The following PEX14 variants were observed in gnomAD, a reference collection of about 807,000 sequenced individuals.
PEX14 encodes the protein peroxisomal biogenesis factor 14.
PEX14 carries 15 observed loss-of-function variants against 49.5 expected under a neutral mutation model. The observed-to-expected ratio is 0.30, with a 90% confidence interval of 0.20 to 0.47. The LOEUF (loss-of-function observed/expected upper bound fraction) is 0.47, where lower values mean the gene tolerates loss of function less well. Ranked by LOEUF, PEX14 falls within the 20% of genes least tolerant of loss-of-function variation. PEX14 has a pLI of 1.00. For synonymous variants in PEX14, 210 were observed against 212.7 expected, an observed-to-expected ratio of 0.99 and a Z score of 0.11; for missense variants, 398 against 494.8, an observed-to-expected ratio of 0.80 and a Z score of 1.86.
At chr1:10,510,234 G>C (rs1450875453) in intron 2 of PEX14, among the ~76,000 whole-genome samples, 1 of 152,208 alleles carries the variant, frequency 6.6e-6, no homozygotes, top group African/African-American at 2.4e-5. Flanking sequence ...GTCTTTCTTA[G>C]TTCATGCCTC....
At position 10,535,946 on chromosome 1, in the gene PEX14, C is replaced by G. The variant is rs1570227553; in HGVS notation, c.85-267C>G. ...ATGAAGAATCAGCTCGAATGGAGATCAGGAGGAACAGGAAGGATCGTCGCA... is the reference window on the plus strand; with the variant it reads ...ATGAAGAATCAGCTCGAATGGAGATGAGGAGGAACAGGAAGGATCGTCGCA... On this transcript the variant is annotated intron_variant, in intron 2 of 8. Coordinates refer to ENST00000356607, the MANE Select transcript of PEX14 (RefSeq NM_004565.3). 6.7e-6 allele frequency: 3 copies of G among 446,464 alleles called. No homozygotes were observed. The East Asian group carries it at 1.4e-4, about 20-fold the overall frequency. The allele number at this position is 446,464 out of a possible 1,614,324, so 27.7% of individuals were successfully genotyped here.
chr1:10,625,572 C>T (rs1641720706), intron 7 of PEX14, among the ~76,000 whole-genome samples: 1 of 152,220 alleles, frequency 6.6e-6, no homozygotes, highest in East Asian at 1.9e-4. Flanking sequence ...AGAGGTGCCA[C>T]CTGCTCTTCC....
chr1:10,503,525 T>G (rs1186584560), intron 2 of PEX14, among the ~76,000 whole-genome samples: 1 of 151,938 alleles, frequency 6.6e-6, no homozygotes, highest in East Asian at 1.9e-4. Context: ...TTTCCTCTGT[T>G]AAAATGTTTT....
intron 4 of PEX14, among the ~76,000 whole-genome samples, chr1:10,607,913 C>T (rs564000994): frequency 6.6e-6 from 1 of 152,150 alleles, no homozygotes; most frequent in Admixed American, 6.5e-5. Context: ...TTTTATGATT[C>T]ATGGTTTTGC....
chr1:10,510,330 G>T (rs185665186), intron 2 of PEX14, among the ~76,000 whole-genome samples: 18 of 152,298 alleles, frequency 1.2e-4, no homozygotes, highest in African/African-American at 3.4e-4. Context: ...TGGTTAGATG[G>T]CAGGCTGCAG....
In PEX14 at chr1:10,603,946, TGA is replaced by T. The variant is rs537711333; in HGVS notation, c.298+4588_298+4589del. Among the ~76,000 whole-genome samples the T allele has an allele frequency of 6.4e-4, 98 of 152,350 alleles. 1 individual carries two copies. The highest frequency in any genetic ancestry group is 2.2e-3 in the African/African-American group (92 of 41,582). On this transcript the variant is annotated intron_variant, in intron 4 of 8. Coordinates refer to ENST00000356607, the MANE Select transcript of PEX14 (RefSeq NM_004565.3). ...TTTTGAACCATTTGATTAGAAATCC[TGA>T]GAGAGAGTGAGTTATTCCTCTGTTT... is the stretch of plus-strand genomic sequence containing the variant.
chr1:10,487,782 C>T (rs1040983024), intron 1 of PEX14, among the ~76,000 whole-genome samples: 7 of 151,430 alleles, frequency 4.6e-5, no homozygotes, highest in African/African-American at 1.7e-4. Flanking sequence ...TGTGCCCGGC[C>T]TACTTTTTTT....
intron 3 of PEX14, among the ~76,000 whole-genome samples, chr1:10,573,799 G>A (rs1640048058): frequency 6.6e-6 from 1 of 152,106 alleles, no homozygotes; most frequent in Non-Finnish European, 1.5e-5. Context: ...GTATATAACA[G>A]CTTTATTTAA....
At chr1:10,585,129 C>T (rs1193613959) in intron 3 of PEX14, among the ~76,000 whole-genome samples, 2 of 152,164 alleles carry the variant, frequency 1.3e-5, no homozygotes, top group Non-Finnish European at 2.9e-5. Flanking sequence ...GAGGATCTCC[C>T]ATTAGGCAAA....
chr1:10,564,112 A>G (rs180949059), intron 3 of PEX14, among the ~76,000 whole-genome samples: 2 of 152,114 alleles, frequency 1.3e-5, no homozygotes, highest in African/African-American at 2.4e-5. Flanking sequence ...TAGTTATCCT[A>G]TGTAACATAG....
intron 3 of PEX14, among the ~76,000 whole-genome samples, chr1:10,549,957 A>G (rs1441831846): frequency 1.3e-5 from 2 of 152,190 alleles, no homozygotes; most frequent in African/African-American, 2.4e-5. Flanking sequence ...CCATCCATCC[A>G]TCCATCTTTC....
intron 8 of PEX14, among the ~76,000 whole-genome samples, chr1:10,627,840 C>T (rs1178083885): frequency 1.3e-5 from 2 of 152,268 alleles, no homozygotes; most frequent in Non-Finnish European, 2.9e-5. Flanking sequence ...CCTGTTGTCC[C>T]TCTGTAGCGA....
intron 3 of PEX14, among the ~76,000 whole-genome samples, chr1:10,543,940 C>T (rs1487529686): frequency 1.3e-5 from 2 of 152,180 alleles, no homozygotes; most frequent in African/African-American, 4.8e-5. Context: ...AGTTTACTCT[C>T]GGCTCTGTAT....
rs369349860 is a variant in PEX14, at chr1:10,539,530, A to G, written c.169+3233A>G. Among the ~76,000 whole-genome samples the G allele has an allele frequency of 1.0e-3, 152 of 152,288 alleles. 1 individual carries two copies. The highest frequency in any genetic ancestry group is 3.3e-3 in the African/African-American group (139 of 41,564). ...ACTTGATTCTGCAGATGACACATCA[A>G]CTGCGGAGTCAGCCACACATCAAGA... On this transcript the variant is annotated intron_variant, in intron 3 of 8. Transcript: ENST00000356607. This position sits in a 1 kb window ranked among gnomAD's most constrained non-coding sequence, Gnocchi z 4.6.
intron 3 of PEX14, among the ~76,000 whole-genome samples, chr1:10,573,829 G>A (rs12075572): frequency 0.11 from 16,336 of 152,012 alleles, 964 homozygotes; most frequent in Non-Finnish European, 0.12. Flanking sequence ...GGCTGGGTGC[G>A]GTAGCTCACG....
intron 3 of PEX14, among the ~76,000 whole-genome samples, chr1:10,567,738 G>T (rs1257541078): frequency 1.3e-5 from 2 of 151,904 alleles, no homozygotes; most frequent in African/African-American, 4.8e-5. Flanking sequence ...CAAGTGATCC[G>T]CCTGCCTCAT....
intron 7 of PEX14, among the ~76,000 whole-genome samples, chr1:10,626,785 G>T (rs1641760208): frequency 6.6e-6 from 1 of 152,250 alleles, no homozygotes; most frequent in Admixed American, 6.5e-5. Context: ...TGGTTTGGCT[G>T]TCCTCTTCCC....
At chr1:10,552,239 C>G (rs1639356522) in intron 3 of PEX14, among the ~76,000 whole-genome samples, 1 of 152,192 alleles carries the variant, frequency 6.6e-6, no homozygotes, top group African/African-American at 2.4e-5. Context: ...GTCAGGAGTT[C>G]AAGACCAGCC....
chr1:10,499,415 A>G (rs1641627350), intron 2 of PEX14, among the ~76,000 whole-genome samples: 1 of 149,290 alleles, frequency 6.7e-6, no homozygotes, highest in African/African-American at 2.5e-5. Flanking sequence ...TCTTTCCTGC[A>G]TCTCTCCACC....
Sources: allele counts gnomAD v4.1 joint callset (sites outside exome capture counted in the v4.1 genomes callset), GRCh38; gene constraint gnomAD v4.1.1; non-coding constraint Gnocchi (gnomAD v3.1); transcripts MANE v1.5; gene names NCBI Gene and HGNC (gene_info 2026-07-23, HGNC 2026-07-21).